Variants in MOB4 observed in about 807,000 individuals in gnomAD.
The protein encoded by MOB4 is MOB-like protein phocein.
A neutral mutation model predicts 32.2 loss-of-function variants in MOB4; 4 were observed. The ratio of observed to expected loss-of-function variants is 0.12; its 90% CI spans 0.06 to 0.28. MOB4 has a LOEUF of 0.28. Ranked by LOEUF, MOB4 falls within the 10% of genes least tolerant of loss-of-function variation. The pLI, the probability that MOB4 is intolerant of heterozygous loss-of-function variation, is 1.00. For missense variants in MOB4, 158 were observed against 271.2 expected, an observed-to-expected ratio of 0.58 and a Z score of 2.93; for synonymous variants, 88 against 88.1, an observed-to-expected ratio of 1.00 and a Z score of 0.01.
In MOB4 at chr2:197,550,860, T is replaced by G. The variant is rs1365080948; in HGVS notation, c.*214T>G. Reference sequence around the variant, plus strand: ...GGCACTCATGGTTTTTAAATAAGATTAGTATTATCTGTTTATAATGCCTGT... The same window carrying G: ...GGCACTCATGGTTTTTAAATAAGATGAGTATTATCTGTTTATAATGCCTGT... On this transcript the variant is annotated 3_prime_UTR_variant, in exon 8 of 8. Coordinates refer to ENST00000323303, the MANE Select transcript of MOB4 (RefSeq NM_015387.5). 2.0e-5 allele frequency: 7 copies of G among 348,384 alleles called. No homozygotes were observed. The highest frequency in any genetic ancestry group is 3.3e-5 in the Non-Finnish European group (7 of 211,852). 21.6% of individuals were successfully genotyped at this position (348,384 alleles called of 1,614,324 possible). A position where few individuals can be genotyped will look rare whatever the true frequency, so the allele number is the denominator to read the frequency against.
intron 3 of MOB4, 49 bp from the exon 4 acceptor site, chr2:197,540,062 T>G (rs888378815): frequency 1.3e-6 from 2 of 1,545,526 alleles, no homozygotes; most frequent in Non-Finnish European, 1.7e-6. Flanking sequence ...TTCTAAAAAT[T>G]GCTGTGAAGA....
Position 197,516,127 on chromosome 2 carries a change from G to T in MOB4, c.41G>T (p.Arg14Met). The change falls in exon 1 of 8, where the codon AGG (arginine) becomes ATG (methionine). Residue 14 changes from arginine (R) to methionine (M), a missense_variant. By Grantham distance (91) the Arg-to-Met change is moderately conservative (BLOSUM62 -1). Around this residue, in one of 6 missense-constraint regions of MOB4, gnomAD observed 41 missense variants for 26.4 expected, o/e 1.55. Transcript: ENST00000323303. The part of the protein sequence containing the change: ...AEGTAVLRRN[R>M]PGTKAQDFYN... ...GGGACGGCAGTGCTGAGGCGGAACA[G>T]GCCGGGCACCAAGGCGCAGGTACCA... 1 of 1,604,702 alleles carries T rather than the reference G, an allele frequency of 6.2e-7. No homozygotes were observed. The highest frequency in any genetic ancestry group is 1.7e-5 in the Admixed American group (1 of 58,620).
chr2:197,525,148 A>T (rs1406862365), intron 2 of MOB4, among the ~76,000 whole-genome samples: 2 of 152,110 alleles, frequency 1.3e-5, no homozygotes, highest in East Asian at 3.9e-4. Flanking sequence ...GATCGAGACC[A>T]TCCTGGCTAA....
chr2:197,541,645 C>T (rs903621634), intron 5 of MOB4, among the ~76,000 whole-genome samples: 1 of 152,180 alleles, frequency 6.6e-6, no homozygotes, highest in Non-Finnish European at 1.5e-5. Flanking sequence ...GTCGGCCGGG[C>T]GCGGTGGCTC....
chr2:197,515,933 C>A (rs903187749), upstream of MOB4: 4 of 721,748 alleles, frequency 5.5e-6, no homozygotes, highest in African/African-American at 1.9e-5. Flanking sequence ...CCGCCTAGCC[C>A]GCTTCTACCC....
intron 5 of MOB4, among the ~76,000 whole-genome samples, chr2:197,541,372 C>G (rs1026559401): frequency 2.6e-5 from 4 of 152,144 alleles, no homozygotes; most frequent in Non-Finnish European, 5.9e-5. Flanking sequence ...GACACTGACT[C>G]ACTGGGGATA....
At chr2:197,524,012 G>A (rs1007293359) in intron 2 of MOB4, among the ~76,000 whole-genome samples, 10 of 152,160 alleles carry the variant, frequency 6.6e-5, no homozygotes, top group Admixed American at 3.9e-4. Context: ...CACTTTGGGA[G>A]GCCAATCACT....
intron 2 of MOB4, among the ~76,000 whole-genome samples, chr2:197,531,185 C>G (rs1009194334): frequency 1.3e-5 from 2 of 151,604 alleles, no homozygotes; most frequent in Non-Finnish European, 2.9e-5. Flanking sequence ...GTAGCTGGGA[C>G]TACAAGCGCC....
upstream of MOB4, chr2:197,515,949 G>A: frequency 3.5e-6 from 3 of 855,584 alleles, no homozygotes; most frequent in Non-Finnish European, 5.3e-6. Flanking sequence ...TACCCGGACG[G>A]CTCCCGGCGC....
chr2:197,538,278 T>G (rs1294149870), intron 3 of MOB4, among the ~76,000 whole-genome samples: 2 of 152,136 alleles, frequency 1.3e-5, no homozygotes, highest in Non-Finnish European at 2.9e-5. Flanking sequence ...TTTTTACTTT[T>G]GTTATTTTTT....
At chr2:197,545,515 G>C (rs2086978601) in intron 5 of MOB4, among the ~76,000 whole-genome samples, 2 of 152,104 alleles carry the variant, frequency 1.3e-5, no homozygotes, top group Non-Finnish European at 2.9e-5. Context: ...ATTCAGCCAT[G>C]AAAAGGAATG....
At chr2:197,549,822 A>G (rs942885619) in intron 6 of MOB4, among the ~76,000 whole-genome samples, 2 of 149,190 alleles carry the variant, frequency 1.3e-5, no homozygotes, top group Non-Finnish European at 3.0e-5. Context: ...AAGTGCTGGG[A>G]TTACAGGCGT....
intron 2 of MOB4, chr2:197,533,951 C>A: frequency 1.7e-6 from 1 of 577,652 alleles, no homozygotes. Context: ...TGGAAAAGAA[C>A]CAAGCTGGGT....
At chr2:197,515,712 T>C (rs940409205), upstream of MOB4, 15 of 271,920 alleles carry the variant, frequency 5.5e-5, no homozygotes, top group African/African-American at 1.6e-4. Context: ...GTCGCCACTA[T>C]ACGAAGTTCG....
At chr2:197,518,726 C>T (rs1489225030) in intron 1 of MOB4, among the ~76,000 whole-genome samples, 1 of 151,836 alleles carries the variant, frequency 6.6e-6, no homozygotes, top group Non-Finnish European at 1.5e-5. Context: ...CCACGCCCGG[C>T]TAATTTTATT....
At chr2:197,523,110 CTG>C (rs2086550278) in intron 1 of MOB4, among the ~76,000 whole-genome samples, 1 of 151,736 alleles carries the variant, frequency 6.6e-6, no homozygotes, top group Non-Finnish European at 1.5e-5. Flanking sequence ...TTTTTGGTGT[CTG>C]GAGTTTTTTT....
At chr2:197,535,789 C>T (rs2086786639) in intron 3 of MOB4, among the ~76,000 whole-genome samples, 159 bp downstream of exon 3, 1 of 152,100 alleles carries the variant, frequency 6.6e-6, no homozygotes, top group Non-Finnish European at 1.5e-5. Context: ...CAGCTTTCTT[C>T]ACTGGTTGTT....
chr2:197,524,901 G>C (rs1559315291), intron 2 of MOB4, among the ~76,000 whole-genome samples: 1 of 152,108 alleles, frequency 6.6e-6, no homozygotes, highest in Non-Finnish European at 1.5e-5. Flanking sequence ...CTCCCAAGTA[G>C]CTGGGACTAT....
Position 197,551,864 on chromosome 2 carries a change from A to G in MOB4, c.*1218A>G, listed in dbSNP as rs907759928. The G allele has an allele frequency of 6.6e-6, 1 of 152,360 alleles. No individual in the cohort carries two copies. The highest frequency in any genetic ancestry group is 2.4e-5 in the African/African-American group (1 of 41,456). 9.4% of individuals were successfully genotyped at this position (152,360 alleles called of 1,614,324 possible). On this transcript the variant is annotated 3_prime_UTR_variant, in exon 8 of 8. Coordinates refer to ENST00000323303, the MANE Select transcript of MOB4 (RefSeq NM_015387.5). ...TATTGAATGCCATTTTTGATAAAGC[A>G]CTGGAGGTCTTATTGCCAAACTGAT...
Sources: gnomAD v4.1 joint callset for allele counts (sites outside exome capture counted in the v4.1 genomes callset) on GRCh38, gnomAD v4.1.1 for gene constraint, gnomAD v4.1.1 regional missense constraint, MANE v1.5 for transcripts, NCBI Gene and HGNC (gene_info 2026-07-23, HGNC 2026-07-21) for gene names.